ARMC1: variants seen among roughly 807,000 people sequenced by gnomAD.
ARMC1 encodes armadillo repeat-containing protein 1.
A neutral mutation model predicts 31.4 loss-of-function variants in ARMC1; 16 were observed. The observed-to-expected ratio is 0.51, with a 90% confidence interval of 0.34 to 0.77. The LOEUF (loss-of-function observed/expected upper bound fraction) is 0.77. Ranked by LOEUF, ARMC1 falls within the 30% of genes least tolerant of loss-of-function variation. The probability of loss-of-function intolerance (pLI) is 0.01; values close to 1 mark genes in which losing one functional copy is unlikely to be tolerated. For synonymous variants in ARMC1, 114 were observed against 118.9 expected (o/e 0.96, Z 0.27); for missense variants, 259 against 347.5 (o/e 0.75, Z 2.02).
intron 3 of ARMC1, among the ~76,000 whole-genome samples, chr8:65,620,231 G>C (rs1420805384): frequency 2.0e-5 from 3 of 150,580 alleles, no homozygotes; most frequent in African/African-American, 7.3e-5. Flanking sequence ...CTAAACACTT[G>C]GAATATGGCA....
At chr8:65,607,106 G>A (rs1808020853) in intron 4 of ARMC1, among the ~76,000 whole-genome samples, 1 of 152,200 alleles carries the variant, frequency 6.6e-6, no homozygotes, top group South Asian at 2.1e-4. Flanking sequence ...TCACACCATT[G>A]CTCATCTCCC....
intron 2 of ARMC1, among the ~76,000 whole-genome samples, chr8:65,626,239 T>C (rs1035774171): frequency 3.9e-5 from 6 of 152,036 alleles, no homozygotes; most frequent in South Asian, 2.1e-4. Flanking sequence ...TAGGCAAATA[T>C]AGACATACAA....
chr8:65,624,844 G>A (rs1808481569), intron 2 of ARMC1, among the ~76,000 whole-genome samples: 1 of 152,192 alleles, frequency 6.6e-6, no homozygotes, highest in African/African-American at 2.4e-5. Flanking sequence ...CCAATGGCCA[G>A]GCATGGTGGC....
chr8:65,623,324 A>AAAAAAACAAAC (rs1554541796), intron 2 of ARMC1, among the ~76,000 whole-genome samples: 1 of 144,440 alleles, frequency 6.9e-6, no homozygotes, highest in Non-Finnish European at 1.5e-5. Flanking sequence ...AAAAAAAAAA[A>AAAAAAACAAAC]TGCTGGGCGC....
chr8:65,606,600 TAATACTCTTCA>T (rs1563411483), intron 4 of ARMC1, among the ~76,000 whole-genome samples: 36 of 152,312 alleles, frequency 2.4e-4, no homozygotes, highest in African/African-American at 8.4e-4. Context: ...CTCATTTTCC[TAATACTCTTCA>T]AAACACAATA....
At chr8:65,615,414 A>C (rs894686722) in intron 3 of ARMC1, among the ~76,000 whole-genome samples, 92 of 152,094 alleles carry the variant, frequency 6.0e-4, no homozygotes, top group African/African-American at 2.1e-3. Flanking sequence ...AAAAAAAAAA[A>C]AAAAACAGGG....
chr8:65,616,822 G>A (rs1250514857), intron 3 of ARMC1, among the ~76,000 whole-genome samples: 71 of 149,540 alleles, frequency 4.7e-4, no homozygotes, highest in Admixed American at 1.1e-3. Flanking sequence ...CTGCCCGGCC[G>A]CCCTGTCTGA....
At chr8:65,607,338 CAA>C in intron 4 of ARMC1, among the ~76,000 whole-genome samples, 1 of 152,296 alleles carries the variant, frequency 6.6e-6, no homozygotes, top group East Asian at 1.9e-4. Flanking sequence ...AAAGCTCACA[CAA>C]TATATATAAG....
At chr8:65,621,296 G>A (rs1421406522) in intron 3 of ARMC1, among the ~76,000 whole-genome samples, 2 of 152,120 alleles carry the variant, frequency 1.3e-5, no homozygotes, top group Non-Finnish European at 2.9e-5. Context: ...AACAGGATGA[G>A]GGGAGAAATA....
intron 1 of ARMC1, among the ~76,000 whole-genome samples, chr8:65,630,579 G>A (rs1808620980): frequency 6.6e-6 from 1 of 152,188 alleles, no homozygotes; most frequent in African/African-American, 2.4e-5. Flanking sequence ...AACACTTTGG[G>A]AGGCCAATGC....
chr8:65,632,594 C>A (rs1295172621), intron 1 of ARMC1, among the ~76,000 whole-genome samples: 1 of 152,076 alleles, frequency 6.6e-6, no homozygotes, highest in African/African-American at 2.4e-5. Flanking sequence ...GCCTGGGCAA[C>A]AGAGCGAGAT....
intron 3 of ARMC1, among the ~76,000 whole-genome samples, chr8:65,618,166 G>T (rs569523358): frequency 3.3e-4 from 50 of 151,948 alleles, no homozygotes; most frequent in Admixed American, 1.5e-3. Context: ...CACCCGCCTC[G>T]GCCTCCCAAA....
intron 1 of ARMC1, among the ~76,000 whole-genome samples, chr8:65,631,683 TTA>T (rs1808647712): frequency 1.3e-5 from 2 of 152,212 alleles, no homozygotes; most frequent in South Asian, 4.1e-4. Flanking sequence ...TAGATACATA[TTA>T]TGTTTCTGTG....
At chr8:65,623,324 A>AAAAAAAAAACAAAC (rs1554541796) in intron 2 of ARMC1, among the ~76,000 whole-genome samples, 1 of 144,440 alleles carries the variant, frequency 6.9e-6, no homozygotes, top group Non-Finnish European at 1.5e-5. Flanking sequence ...AAAAAAAAAA[A>AAAAAAAAAACAAAC]TGCTGGGCGC....
intron 1 of ARMC1, among the ~76,000 whole-genome samples, chr8:65,631,573 T>C (rs1258057723): frequency 6.6e-6 from 1 of 152,200 alleles, no homozygotes; most frequent in East Asian, 1.9e-4. Context: ...TTTCTGTGGA[T>C]TGCAGCGTTC....
intron 1 of ARMC1, chr8:65,632,963 A>C (rs1232393073): frequency 6.6e-6 from 1 of 152,268 alleles, no homozygotes; most frequent in Non-Finnish European, 1.5e-5. Flanking sequence ...AATACTTCTC[A>C]TCGTTTAATG....
intron 2 of ARMC1, among the ~76,000 whole-genome samples, chr8:65,626,103 C>G (rs1808506167): frequency 6.6e-6 from 1 of 152,086 alleles, no homozygotes; most frequent in Non-Finnish European, 1.5e-5. Context: ...GTTGGCCAAG[C>G]TGGTGTCAAA....
chr8:65,629,594 T>C (rs1585722551), intron 1 of ARMC1, among the ~76,000 whole-genome samples: 1 of 148,120 alleles, frequency 6.8e-6, no homozygotes, highest in Non-Finnish European at 1.5e-5. Flanking sequence ...AGGTCAGGAG[T>C]TCAAGACCAG....
rs78872091 is a variant in ARMC1, at chr8:65,614,243, A to G, written c.276-810T>C. Among the ~76,000 whole-genome samples the G allele has an allele frequency of 1.1e-4, 16 of 152,302 alleles. No individual in the cohort carries two copies. In the East Asian group the frequency reaches 2.9e-3, roughly 27 times the overall value. On this transcript the variant is annotated intron_variant, in intron 3 of 6. Coordinates refer to ENST00000276569, the MANE Select transcript of ARMC1 (RefSeq NM_018120.6). The stretch of plus-strand genomic sequence containing the variant: ...CAAATTATGTGTTTATCATAAAACC[A>G]CAGCTCTAACAAAAGTTTTCATTCT...
Sources: gnomAD v4.1 joint callset for allele counts (sites outside exome capture counted in the v4.1 genomes callset) on GRCh38, gnomAD v4.1.1 for gene constraint, MANE v1.5 for transcripts, NCBI Gene and HGNC (gene_info 2026-07-23, HGNC 2026-07-21) for gene names.